Variants in SLCO3A1 observed in about 807,000 individuals in gnomAD.
The protein encoded by SLCO3A1 is solute carrier organic anion transporter family member 3A1.
In SLCO3A1, 27 loss-of-function variants were observed where a neutral mutation model predicts 63.1. The observed-to-expected ratio is 0.43, with a 90% confidence interval of 0.32 to 0.59. The LOEUF is 0.59. Ranked by LOEUF, SLCO3A1 falls within the 20% of genes least tolerant of loss-of-function variation. The probability of loss-of-function intolerance (pLI) is 0.09; values close to 1 mark genes in which losing one functional copy is unlikely to be tolerated. For synonymous variants in SLCO3A1, 473 were observed against 409.9 expected (o/e 1.15, Z -1.86); for missense variants, 773 against 945.8 (o/e 0.82, Z 2.40).
intron 5 of SLCO3A1, among the ~76,000 whole-genome samples, chr15:92,123,339 G>A (rs2047885043): frequency 6.6e-6 from 1 of 152,124 alleles, no homozygotes; most frequent in Non-Finnish European, 1.5e-5. Flanking sequence ...CCTGGGAGGT[G>A]GAGGTTGCAG....
intron 2 of SLCO3A1, among the ~76,000 whole-genome samples, chr15:92,027,229 A>G (rs567322329): frequency 1.1e-4 from 17 of 152,338 alleles, no homozygotes; most frequent in African/African-American, 4.1e-4. Context: ...CGGTATTGTG[A>G]CAATAAATGC....
chr15:91,867,260 C>G (rs774780905), intron 1 of SLCO3A1, among the ~76,000 whole-genome samples: 8 of 152,158 alleles, frequency 5.3e-5, no homozygotes, highest in Non-Finnish European at 1.0e-4. Flanking sequence ...CCAGGGCATG[C>G]TCAGACTCAG....
intron 1 of SLCO3A1, among the ~76,000 whole-genome samples, chr15:91,891,119 T>A (rs1352688728): frequency 2.1e-5 from 3 of 141,646 alleles, no homozygotes; most frequent in African/African-American, 5.7e-5. Flanking sequence ...TTTGAGGAAC[T>A]TGGTATTTAT....
chr15:92,050,935 AG>A (rs1223467785), intron 2 of SLCO3A1, among the ~76,000 whole-genome samples: 2 of 152,038 alleles, frequency 1.3e-5, no homozygotes, highest in Non-Finnish European at 2.9e-5. Flanking sequence ...TTCCCTCCAC[AG>A]GTGACACTCA....
intron 2 of SLCO3A1, among the ~76,000 whole-genome samples, chr15:91,956,934 C>T (rs1289171321): frequency 1.9e-4 from 17 of 87,720 alleles, no homozygotes; most frequent in Admixed American, 3.5e-4. Flanking sequence ...ACTACAGGCG[C>T]GCGCCACCAT....
chr15:92,056,728 G>T (rs574521697), intron 2 of SLCO3A1, among the ~76,000 whole-genome samples: 1 of 152,204 alleles, frequency 6.6e-6, no homozygotes, highest in South Asian at 2.1e-4. Context: ...CTGAGAAAAG[G>T]CACCTCTTAT....
chr15:92,012,394 A>C (rs1316561406), intron 2 of SLCO3A1, among the ~76,000 whole-genome samples: 1 of 152,134 alleles, frequency 6.6e-6, no homozygotes, highest in Non-Finnish European at 1.5e-5. Flanking sequence ...CCCAGCCCAC[A>C]GTTCTGGGAA....
intron 5 of SLCO3A1, among the ~76,000 whole-genome samples, chr15:92,122,720 G>A (rs1276152308): frequency 6.6e-6 from 1 of 152,226 alleles, no homozygotes; most frequent in Non-Finnish European, 1.5e-5. Flanking sequence ...GTCCAGAGCT[G>A]TTTTATGCAT....
intron 2 of SLCO3A1, among the ~76,000 whole-genome samples, chr15:92,013,426 C>A (rs983425630): frequency 6.6e-6 from 1 of 152,184 alleles, no homozygotes; most frequent in African/African-American, 2.4e-5. Context: ...GGTGATCTGA[C>A]CTCAACCCTA....
intron 2 of SLCO3A1, among the ~76,000 whole-genome samples, chr15:92,008,175 C>T (rs991814824): frequency 6.6e-6 from 1 of 152,164 alleles, no homozygotes; most frequent in Non-Finnish European, 1.5e-5. Context: ...CACATACACA[C>T]ATAACACATA....
chr15:92,099,969 C>T (rs921772356), intron 3 of SLCO3A1, among the ~76,000 whole-genome samples: 1 of 151,354 alleles, frequency 6.6e-6, no homozygotes, highest in Admixed American at 6.6e-5. Context: ...GGGAGGCTGA[C>T]GCAGGAGAAT....
At chr15:91,878,183 T>A (rs1482397374) in intron 1 of SLCO3A1, among the ~76,000 whole-genome samples, 1 of 151,200 alleles carries the variant, frequency 6.6e-6, no homozygotes, top group African/African-American at 2.4e-5. Flanking sequence ...CCTCCCGGGT[T>A]CAGGTGCTTC....
intron 2 of SLCO3A1, among the ~76,000 whole-genome samples, chr15:91,962,493 A>AAG: frequency 6.6e-6 from 1 of 151,636 alleles, no homozygotes; most frequent in East Asian, 1.9e-4. Context: ...AAAAAAAAAA[A>AAG]AAAAAAAAGA....
chr15:91,917,266 AGT>A (rs1196916059), intron 2 of SLCO3A1, among the ~76,000 whole-genome samples: 3 of 152,142 alleles, frequency 2.0e-5, no homozygotes, highest in African/African-American at 7.2e-5. Flanking sequence ...CCAGTCACTG[AGT>A]GCTAAGCTTT....
intron 2 of SLCO3A1, among the ~76,000 whole-genome samples, chr15:92,057,285 C>T (rs1003874354): frequency 7.9e-5 from 12 of 152,234 alleles, no homozygotes; most frequent in African/African-American, 2.7e-4. Context: ...TGCAGCCTGG[C>T]AGCCCGTCAT....
chr15:91,881,635 G>A (rs985683137), intron 1 of SLCO3A1, among the ~76,000 whole-genome samples: 8 of 152,124 alleles, frequency 5.3e-5, no homozygotes, highest in Non-Finnish European at 1.2e-4. Flanking sequence ...CAGAGAAACC[G>A]TTGGATCAGA....
Position 92,128,815 on chromosome 15 carries a change from T to C in SLCO3A1, c.1512+326T>C, listed in dbSNP as rs74028809. On this transcript the variant is annotated intron_variant, in intron 7 of 9. Transcript: ENST00000318445. Reference sequence around the variant, plus strand: ...GTCTGCATGGGTAGTGAGCTCCCCATCACCAGAAGTATGTCAAGAGAGGCT... The same window carrying C: ...GTCTGCATGGGTAGTGAGCTCCCCACCACCAGAAGTATGTCAAGAGAGGCT... Among the ~76,000 whole-genome samples, 1,115 of 152,270 alleles carry C rather than the reference T, an allele frequency of 7.3e-3. 19 individuals are homozygous for C. Among genetic ancestry groups the C allele is most frequent in the African/African-American group, 0.026 (1,064 of 41,550 alleles).
chr15:92,077,511 G>C (rs2151520313), intron 2 of SLCO3A1, among the ~76,000 whole-genome samples: 1 of 152,292 alleles, frequency 6.6e-6, no homozygotes, highest in South Asian at 2.1e-4. Flanking sequence ...AGTGAGGCAG[G>C]CATTCCCTGG....
At chr15:92,085,573 G>A (rs1271245022) in intron 2 of SLCO3A1, among the ~76,000 whole-genome samples, 3 of 152,180 alleles carry the variant, frequency 2.0e-5, no homozygotes, top group African/African-American at 7.2e-5. Flanking sequence ...CACACAGCAG[G>A]CACTCAAATA....
Sources: gnomAD v4.1 joint callset for allele counts (sites outside exome capture counted in the v4.1 genomes callset) on GRCh38, gnomAD v4.1.1 for gene constraint, MANE v1.5 for transcripts, NCBI Gene and HGNC (gene_info 2026-07-23, HGNC 2026-07-21) for gene names.